The following LRRN3 variants were observed in gnomAD, a reference collection of about 807,000 sequenced individuals.
The protein encoded by LRRN3 is leucine rich repeat neuronal 3.
Under a neutral mutation model 40.1 loss-of-function variants are expected in LRRN3, and 15 were observed. The ratio of observed to expected loss-of-function variants is 0.37; its 90% confidence interval spans 0.25 to 0.58. LRRN3 has a LOEUF of 0.58. Ranked by LOEUF, LRRN3 falls within the 20% of genes least tolerant of loss-of-function variation. The pLI is 0.72. For missense variants in LRRN3, 746 were observed against 837.7 expected (o/e 0.89, Z 1.35); for synonymous variants, 308 against 297.2 (o/e 1.04, Z -0.37).
rs561105240 is a variant in LRRN3 at position 111,116,649 on chromosome 7, G to A, written c.-358-5766G>A. Among the ~76,000 whole-genome samples the A allele has an allele frequency of 5.3e-5, 8 of 152,228 alleles. No individual in the cohort carries two copies. The South Asian group carries it at 1.5e-3, about 28-fold the overall frequency. On this transcript the variant is annotated intron_variant, in intron 2 of 2. Transcript: ENST00000308478. ...TGTGAGAAACTAAGATTCAGAGAGC[G>A]ATGTGATTACTCTCACATAGCAAAA... is the stretch of plus-strand genomic sequence containing the variant.
intron 1 of LRRN3, among the ~76,000 whole-genome samples, chr7:111,097,830 T>C (rs919314703): frequency 1.3e-5 from 2 of 151,856 alleles, no homozygotes. Flanking sequence ...TGACCTTTAC[T>C]GAAATTTCAA....
rs71151831 is a variant in LRRN3, at chr7:111,114,133, TAC to T, written c.-358-8254_-358-8253del. Among the ~76,000 whole-genome samples, 1,395 of 146,068 alleles carry T rather than the reference TAC, an allele frequency of 9.6e-3. 4 individuals carry two copies. Among genetic ancestry groups the T allele is most frequent in the African/African-American group, 0.018 (725 of 40,154 alleles). ...CTCAACATACACATACACATAAATC[TAC>T]ACACACACACACACACACACACACA... is the stretch of plus-strand genomic sequence containing the variant. On this transcript the variant is annotated intron_variant, in intron 2 of 2. Coordinates refer to ENST00000308478, the MANE Select transcript of LRRN3 (RefSeq NM_001099658.2).
chr7:111,101,031 ACTC>A (rs1797916072), intron 2 of LRRN3, among the ~76,000 whole-genome samples: 1 of 151,238 alleles, frequency 6.6e-6, no homozygotes, highest in Admixed American at 6.6e-5. Flanking sequence ...CAGAATGGTA[ACTC>A]CTCCTCCTTG....
chr7:111,113,530 T>G (rs757563842), intron 2 of LRRN3, among the ~76,000 whole-genome samples: 3 of 152,180 alleles, frequency 2.0e-5, no homozygotes, highest in African/African-American at 4.8e-5. Context: ...ATTTATTTTT[T>G]TCTTTTAACT....
chr7:111,095,386 AAAT>A lies in LRRN3; in HGVS notation c.-441+3886_-441+3888del, dbSNP rs138076714. ...AAATTCTGCCTCCTTGGTCTTTCAA[AAAT>A]AATGTTTTCTCAAAAACCTCCTATG... On this transcript the variant is annotated intron_variant, in intron 1 of 2. Coordinates refer to ENST00000308478, the MANE Select transcript of LRRN3 (RefSeq NM_001099658.2). Among the ~76,000 whole-genome samples, 1,100 of 152,080 alleles carry A rather than the reference AAAT, an allele frequency of 7.2e-3. 11 individuals are homozygous for A. Among genetic ancestry groups the A allele is most frequent in the African/African-American group, 0.025 (1,058 of 41,500 alleles).
intron 1 of LRRN3, 42 bp from the exon 2 acceptor site, chr7:111,099,839 C>T (rs1203352165): frequency 6.6e-6 from 1 of 151,412 alleles, no homozygotes; most frequent in East Asian, 1.9e-4. Flanking sequence ...TAAAATTAAA[C>T]TTTTGGGGTT....
intron 2 of LRRN3, among the ~76,000 whole-genome samples, chr7:111,117,050 G>A: frequency 6.6e-6 from 1 of 152,012 alleles, no homozygotes; most frequent in South Asian, 2.1e-4. Flanking sequence ...CTACTGTGTA[G>A]ATAAAAAGAT....
chr7:111,121,942 G>A lies in LRRN3; in HGVS notation c.-358-473G>A, dbSNP rs1235597765. Among the ~76,000 whole-genome samples, 8 of 152,160 alleles carry A rather than the reference G, an allele frequency of 5.3e-5. No homozygotes were observed. The East Asian group carries it at 9.7e-4, about 18-fold the overall frequency. Reference sequence around the variant, plus strand: ...TGTCCTTTGTAGGGACATGGATGAAGCTGGAAATCATCATTCTCAGCAAAC... The same window carrying A: ...TGTCCTTTGTAGGGACATGGATGAAACTGGAAATCATCATTCTCAGCAAAC... On this transcript the variant is annotated intron_variant, in intron 2 of 2. Coordinates refer to ENST00000308478, the MANE Select transcript of LRRN3 (RefSeq NM_001099658.2).
intron 2 of LRRN3, among the ~76,000 whole-genome samples, chr7:111,110,116 C>T (rs1413167304): frequency 6.6e-6 from 1 of 152,154 alleles, no homozygotes; most frequent in Non-Finnish European, 1.5e-5. Flanking sequence ...GCCTAGGCAA[C>T]ACAGTGAGAC....
At chr7:111,110,091 C>T (rs1392758347) in intron 2 of LRRN3, among the ~76,000 whole-genome samples, 2 of 152,122 alleles carry the variant, frequency 1.3e-5, no homozygotes, top group African/African-American at 2.4e-5. Flanking sequence ...GCTGAGATCA[C>T]GCCACTGCAC....
At position 111,124,058 on chromosome 7, in the gene LRRN3, C is replaced by T; in HGVS notation, c.1286C>T (p.Pro429Leu). ...CLPLIAPESF[P>L]SNLNVEAGSY... ...CCTCTTATAGCTCCTGAGAGCTTTCCTTCTAATCTAAATGTAGAAGCTGGG... is the reference window on the plus strand; with the variant it reads ...CCTCTTATAGCTCCTGAGAGCTTTCTTTCTAATCTAAATGTAGAAGCTGGG... Residue 429 changes from proline to leucine, a missense_variant, in exon 3 of 3, where the codon CCT becomes CTT. Transcript: ENST00000308478. The T allele has an allele frequency of 6.2e-7, 1 of 1,613,944 alleles. No homozygotes were observed. The highest frequency in any genetic ancestry group is 8.5e-7 in the Non-Finnish European group (1 of 1,179,894).
chr7:111,102,853 C>G (rs982264471), intron 2 of LRRN3, among the ~76,000 whole-genome samples: 3 of 151,456 alleles, frequency 2.0e-5, no homozygotes, highest in African/African-American at 7.3e-5. Context: ...AAAATAATTA[C>G]AATCTTTGAA....
chr7:111,123,516 T>G lies in LRRN3; in HGVS notation c.744T>G (p.Leu248=), dbSNP rs759038442. ...LESISFYDNR[L]IKVPHVALQK... ...GCATCTCTTTTTACGATAACAGGCTTATTAAAGTACCCCATGTTGCTCTTC... is the reference window on the plus strand; with the variant it reads ...GCATCTCTTTTTACGATAACAGGCTGATTAAAGTACCCCATGTTGCTCTTC... Residue 248 remains leucine (L), a synonymous_variant, in exon 3 of 3, where the codon CTT becomes CTG. Transcript: ENST00000308478. This position sits in a 1 kb window ranked among gnomAD's most constrained non-coding sequence, Gnocchi z 6.4. 6.8e-6 allele frequency: 11 copies of G among 1,613,952 alleles called. No homozygotes were observed. The highest frequency in any genetic ancestry group is 5.5e-5 in the South Asian group (5 of 91,072).
chr7:111,124,671 T>C lies in LRRN3; in HGVS notation c.1899T>C (p.Leu633=), dbSNP rs1801079255. The C allele has an allele frequency of 6.2e-7, 1 of 1,613,796 alleles. No individual in the cohort carries two copies. Among genetic ancestry groups the C allele is most frequent in the Non-Finnish European group, 8.5e-7 (1 of 1,179,940 alleles). Residue 633 remains leucine (L), a synonymous_variant, in exon 3 of 3, where the codon CTT becomes CTC. Transcript: ENST00000308478. ...ATACCACAACACTTATGGCCTGTCT[T>C]GGAGGCCTTCTGGGGATTATTGGTG... The part of the protein sequence containing the change: ...KNNTTTLMAC[L]GGLLGIIGVI...
Position 111,124,117 on chromosome 7 carries a change from G to C in LRRN3, c.1345G>C (p.Glu449Gln). ...YVSFHCRATA[E>Q]PQPEIYWITP... ...TTCCTTTCACTGTAGAGCTACTGCA[G>C]AACCACAGCCTGAAATCTACTGGAT... Residue 449 changes from glutamate to glutamine, a missense_variant, in exon 3 of 3, where the codon GAA becomes CAA. By Grantham distance (29) the Glu-to-Gln change is conservative. Coordinates refer to ENST00000308478, the MANE Select transcript of LRRN3 (RefSeq NM_001099658.2). 1 of 1,614,008 alleles carries C rather than the reference G, an allele frequency of 6.2e-7. No homozygotes were observed. The highest frequency in any genetic ancestry group is 8.5e-7 in the Non-Finnish European group (1 of 1,179,986).
At position 111,124,611 on chromosome 7, in the gene LRRN3, T is replaced by C. The variant is rs1335104820; in HGVS notation, c.1839T>C (p.Gly613=). 1.9e-5 allele frequency: 30 copies of C among 1,613,774 alleles called. No homozygotes were observed. The highest frequency in any genetic ancestry group is 2.7e-5 in the African/African-American group (2 of 74,900). ...RKKCVNVTTK[G]LHPDQKEYEK... ...AATGTGTAAATGTCACCACCAAAGGTTTGCACCCTGATCAAAAAGAGTATG... is the reference window on the plus strand; with the variant it reads ...AATGTGTAAATGTCACCACCAAAGGCTTGCACCCTGATCAAAAAGAGTATG... The change falls in exon 3 of 3, where the codon GGT becomes GGC. Residue 613 remains glycine, a synonymous_variant. Coordinates refer to ENST00000308478, the MANE Select transcript of LRRN3 (RefSeq NM_001099658.2).
At chr7:111,121,008 A>C (rs1490814580) in intron 2 of LRRN3, among the ~76,000 whole-genome samples, 1 of 152,154 alleles carries the variant, frequency 6.6e-6, no homozygotes, top group East Asian at 1.9e-4. Context: ...ACTAAATTTC[A>C]AAGCTAATGA....
rs1187876794 is a variant in LRRN3 at position 111,111,952 on chromosome 7, T to G, written c.-358-10463T>G. Among the ~76,000 whole-genome samples the G allele has an allele frequency of 9.6e-3, 1,289 of 133,640 alleles. 36 individuals carry two copies. The highest frequency in any genetic ancestry group is 0.033 in the African/African-American group (1,188 of 35,582). 87.7% of individuals were successfully genotyped at this position (133,640 alleles called of 152,430 possible). Reference sequence around the variant, plus strand: ...ATATATATATAGTTTGTTTTTTTTTTTTTTTTTTTTTTTGAGATGGAGTCT... The same window carrying G: ...ATATATATATAGTTTGTTTTTTTTTGTTTTTTTTTTTTTGAGATGGAGTCT... On this transcript the variant is annotated intron_variant, in intron 2 of 2. Transcript: ENST00000308478.
chr7:111,111,912 ATATTT>A (rs1240395205), intron 2 of LRRN3, among the ~76,000 whole-genome samples: 1 of 133,594 alleles, frequency 7.5e-6, no homozygotes, highest in African/African-American at 2.8e-5. Context: ...CTTTATTTAT[ATATTT>A]TATTTATATA....
Sources: gnomAD v4.1 joint callset for allele counts (sites outside exome capture counted in the v4.1 genomes callset) on GRCh38, gnomAD v4.1.1 for gene constraint, Gnocchi (gnomAD v3.1) non-coding constraint, MANE v1.5 for transcripts, NCBI Gene and HGNC (gene_info 2026-07-23, HGNC 2026-07-21) for gene names.